Variants in PAPPA observed in about 807,000 individuals in gnomAD.
The protein encoded by PAPPA is pappalysin 1.
PAPPA carries 60 observed loss-of-function variants against 164.0 expected under a neutral mutation model. The observed-to-expected ratio is 0.37, with a 90% CI of 0.30 to 0.45. The LOEUF (loss-of-function observed/expected upper bound fraction) is 0.45. Among genes scored for constraint, PAPPA ranks in the 20% least tolerant of loss-of-function variants. The pLI is 1.00. For synonymous variants in PAPPA, 875 were observed against 814.1 expected, an observed-to-expected ratio of 1.07 and a Z score of -1.27; for missense variants, 1,782 against 2,087.3, an observed-to-expected ratio of 0.85 and a Z score of 2.85.
At chr9:116,256,785 A>G (rs1052306047) in intron 7 of PAPPA, among the ~76,000 whole-genome samples, 4 of 152,130 alleles carry the variant, frequency 2.6e-5, no homozygotes, top group African/African-American at 9.6e-5. Flanking sequence ...TAATTTATAG[A>G]TCAAGCAAAC....
chr9:116,217,623 A>G (rs769417802), intron 4 of PAPPA, among the ~76,000 whole-genome samples: 1 of 150,076 alleles, frequency 6.7e-6, no homozygotes, highest in Non-Finnish European at 1.5e-5. Context: ...GTTTTCTAAC[A>G]CTCACACATA....
At chr9:116,305,402 G>A (rs905181219) in intron 10 of PAPPA, among the ~76,000 whole-genome samples, 5 of 149,360 alleles carry the variant, frequency 3.3e-5, no homozygotes, top group Non-Finnish European at 5.9e-5. Context: ...GGAAGAAGAT[G>A]GGAATTGTAT....
chr9:116,382,320 G>A, intron 20 of PAPPA, 75 bp from the exon 21 acceptor site: 1 of 879,496 alleles, frequency 1.1e-6, no homozygotes, highest in Non-Finnish European at 2.0e-6. Context: ...ACACCCGAAG[G>A]ACTGCAGACG....
intron 8 of PAPPA, 36 bp downstream of exon 8, chr9:116,266,021 T>G: frequency 1.1e-4 from 157 of 1,425,758 alleles, no homozygotes; most frequent in Non-Finnish European, 1.4e-4. Flanking sequence ...AGAGGAGGGA[T>G]GCTGGTTAGG....
chr9:116,395,618 G>A (rs1181200670), intron 21 of PAPPA, among the ~76,000 whole-genome samples: 1 of 152,158 alleles, frequency 6.6e-6, no homozygotes, highest in Non-Finnish European at 1.5e-5. Flanking sequence ...TCACTCTGTT[G>A]GGCTCTTCCT....
chr9:116,181,228 C>G (rs1363147110), intron 1 of PAPPA, among the ~76,000 whole-genome samples: 1 of 152,150 alleles, frequency 6.6e-6, no homozygotes, highest in Non-Finnish European at 1.5e-5. Flanking sequence ...AGGACCCCAG[C>G]CTGGCTGGCT....
At chr9:116,234,533 G>A (rs1185965342) in intron 6 of PAPPA, among the ~76,000 whole-genome samples, 2 of 152,104 alleles carry the variant, frequency 1.3e-5, no homozygotes, top group East Asian at 1.9e-4. Context: ...TGGTCGGGGG[G>A]TGGGGTTAGG....
In PAPPA at chr9:116,187,532, A is replaced by C; in HGVS notation, c.794A>C (p.Gln265Pro). ...HFSLWKVART[Q>P]REILSDMETH... is the part of the protein sequence containing the mutation. ...AGTCTGTGGAAGGTGGCCAGGACTC[A>C]GCGGGAGATACTGTCTGACATGGAA... The change falls in exon 2 of 22, where the codon CAG becomes CCG. Residue 265 changes from glutamine (Q) to proline (P), a missense_variant. By Grantham distance (76) the Gln-to-Pro change is moderately conservative. This residue lies in a region of PAPPA where 458 missense variants were observed against 430.3 expected (regional missense o/e 1.06). Transcript: ENST00000328252. This position sits in a 1 kb window ranked among gnomAD's most constrained non-coding sequence, Gnocchi z 4.2. 3 of 1,614,214 alleles carry C rather than the reference A, an allele frequency of 1.9e-6. No homozygotes were observed. The highest frequency in any genetic ancestry group is 2.5e-6 in the Non-Finnish European group (3 of 1,180,040).
intron 1 of PAPPA, among the ~76,000 whole-genome samples, chr9:116,179,339 C>T (rs367974304): frequency 4.6e-5 from 7 of 152,130 alleles, no homozygotes; most frequent in South Asian, 2.1e-4. Context: ...TGCTCCATGC[C>T]GTCCTGCAAA....
intron 14 of PAPPA, 121 bp from the exon 15 acceptor site, chr9:116,346,905 C>A: frequency 3.0e-6 from 2 of 657,708 alleles, no homozygotes; most frequent in Non-Finnish European, 5.2e-6. Flanking sequence ...ACGTTAAACA[C>A]TAAGCATTGG....
chr9:116,386,603 T>TTCTA (rs1359488274), intron 21 of PAPPA, among the ~76,000 whole-genome samples: 2 of 152,280 alleles, frequency 1.3e-5, no homozygotes, highest in East Asian at 3.9e-4. Context: ...TTGAACCCAG[T>TTCTA]TCTATCTGAC....
chr9:116,229,183 G>A (rs1022654549), intron 6 of PAPPA, among the ~76,000 whole-genome samples: 12 of 152,156 alleles, frequency 7.9e-5, no homozygotes, highest in Admixed American at 4.6e-4. Flanking sequence ...CACTATTAAC[G>A]AGGTGCATCT....
chr9:116,351,604 C>T (rs564833112), intron 15 of PAPPA, among the ~76,000 whole-genome samples: 2 of 152,334 alleles, frequency 1.3e-5, no homozygotes, highest in Admixed American at 6.5e-5. Context: ...AAACAACCAT[C>T]TCTGTAGTTA....
intron 2 of PAPPA, among the ~76,000 whole-genome samples, chr9:116,191,461 T>A (rs1383681187): frequency 6.6e-6 from 1 of 152,198 alleles, no homozygotes; most frequent in African/African-American, 2.4e-5. Flanking sequence ...GCTTCTCTTC[T>A]CTTTAACAGG....
intron 10 of PAPPA, among the ~76,000 whole-genome samples, chr9:116,327,509 T>G (rs1845935798): frequency 6.6e-6 from 1 of 152,024 alleles, no homozygotes; most frequent in Non-Finnish European, 1.5e-5. Flanking sequence ...CTCTCCTGCA[T>G]GTCTCCTCCC....
At chr9:116,301,677 A>C (rs1845580623) in intron 9 of PAPPA, among the ~76,000 whole-genome samples, 1 of 152,190 alleles carries the variant, frequency 6.6e-6, no homozygotes, top group Admixed American at 6.5e-5. Flanking sequence ...CTGCAGCTTT[A>C]AATCATTCCA....
intron 9 of PAPPA, among the ~76,000 whole-genome samples, chr9:116,302,347 T>C (rs536735492): frequency 3.3e-5 from 5 of 152,252 alleles, no homozygotes; most frequent in Admixed American, 6.5e-5. Flanking sequence ...TGTTGCACAA[T>C]TGAAACCACA....
At chr9:116,378,861 C>T (rs1440750909) in intron 20 of PAPPA, among the ~76,000 whole-genome samples, 2 of 152,170 alleles carry the variant, frequency 1.3e-5, no homozygotes, top group South Asian at 2.1e-4. Flanking sequence ...CAAGACAATC[C>T]CTAGGTTACA....
intron 10 of PAPPA, among the ~76,000 whole-genome samples, chr9:116,322,974 C>T (rs1383876517): frequency 6.6e-6 from 1 of 152,126 alleles, no homozygotes; most frequent in Non-Finnish European, 1.5e-5. Context: ...TTGATGAGCA[C>T]TTCCTCCCTC....
Sources: gnomAD v4.1 joint callset for allele counts (sites outside exome capture counted in the v4.1 genomes callset) on GRCh38, gnomAD v4.1.1 for gene constraint, gnomAD v4.1.1 regional missense constraint, Gnocchi (gnomAD v3.1) non-coding constraint, MANE v1.5 for transcripts, NCBI Gene and HGNC (gene_info 2026-07-23, HGNC 2026-07-21) for gene names.